The following LPP variants were observed in gnomAD, a reference collection of about 807,000 sequenced individuals.
The protein encoded by LPP is lipoma-preferred partner.
In LPP, 38 loss-of-function variants were observed where a neutral mutation model predicts 60.4. The ratio of observed to expected loss-of-function variants is 0.63; its 90% CI spans 0.49 to 0.83. The LOEUF (loss-of-function observed/expected upper bound fraction) is 0.83. Ranked by LOEUF, LPP falls within the 40% of genes least tolerant of loss-of-function variation. LPP has a pLI of 0.00. For synonymous variants in LPP, 328 were observed against 290.8 expected, an observed-to-expected ratio of 1.13 and a Z score of -1.30; for missense variants, 902 against 783.6, an observed-to-expected ratio of 1.15 and a Z score of -1.80.
intron 7 of LPP, among the ~76,000 whole-genome samples, chr3:188,699,724 G>A (rs1863995452): frequency 6.6e-6 from 1 of 152,172 alleles, no homozygotes; most frequent in Non-Finnish European, 1.5e-5. Flanking sequence ...AATTCAGATA[G>A]TCAGGTATCC....
chr3:188,580,224 A>G (rs1452647304), intron 6 of LPP, among the ~76,000 whole-genome samples: 1 of 151,904 alleles, frequency 6.6e-6, no homozygotes, highest in Non-Finnish European at 1.5e-5. Flanking sequence ...TATTTTCTCA[A>G]TAGAATTGTT....
intron 7 of LPP, among the ~76,000 whole-genome samples, chr3:188,639,703 G>A (rs1423258143): frequency 9.1e-4 from 138 of 151,760 alleles, no homozygotes; most frequent in Middle Eastern, 3.4e-3. Flanking sequence ...AAAAGTGGGC[G>A]AAGGACATGA....
chr3:188,650,254 A>G (rs1012200210), intron 7 of LPP, among the ~76,000 whole-genome samples: 4 of 152,232 alleles, frequency 2.6e-5, no homozygotes, highest in Non-Finnish European at 1.5e-5. Context: ...GTTAAAGAAA[A>G]AAAACAGGGA....
chr3:188,812,999 T>C (rs1222442436), intron 9 of LPP, among the ~76,000 whole-genome samples: 1 of 152,102 alleles, frequency 6.6e-6, no homozygotes, highest in South Asian at 2.1e-4. Context: ...GATCAGTGAT[T>C]ATGAACAAAA....
intron 7 of LPP, among the ~76,000 whole-genome samples, chr3:188,636,278 C>T (rs527785867): frequency 1.3e-5 from 2 of 152,264 alleles, no homozygotes; most frequent in East Asian, 3.9e-4. Flanking sequence ...CCTTTCCTAA[C>T]CAAAGAAAGG....
rs1560498041 is a variant in LPP at position 188,509,869 on chromosome 3, T to TC, written c.307-14796_307-14795insC. On this transcript the variant is annotated intron_variant, in intron 5 of 11. Coordinates refer to ENST00000617246, the MANE Select transcript of LPP (RefSeq NM_001375462.1). ...CACCATGCCTGGCTAATTTTTTTTT[T>TC]GTTGTTTTTTTTTTTTTTTTTGCAT... Among the ~76,000 whole-genome samples, 4 of 61,536 alleles carry TC rather than the reference T, an allele frequency of 6.5e-5. No individual in the cohort carries two copies. In the Admixed American group the frequency reaches 9.6e-4, roughly 15 times the overall value. 40.4% of individuals were successfully genotyped at this position (61,536 alleles called of 152,430 possible).
At chr3:188,554,440 A>G (rs565884437) in intron 6 of LPP, among the ~76,000 whole-genome samples, 1 of 152,218 alleles carries the variant, frequency 6.6e-6, no homozygotes, top group Non-Finnish European at 1.5e-5. Flanking sequence ...ATACCAGATT[A>G]TGGAACACTA....
intron 3 of LPP, among the ~76,000 whole-genome samples, chr3:188,400,683 C>T (rs903115462): frequency 1.3e-5 from 2 of 152,198 alleles, no homozygotes; most frequent in African/African-American, 4.8e-5. Flanking sequence ...AGGAGGGCCA[C>T]TGCTCTTGCT....
At chr3:188,709,389 C>CTCTG (rs1553807258) in intron 8 of LPP, 2 of 152,084 alleles carry the variant, frequency 1.3e-5, no homozygotes, top group Non-Finnish European at 2.9e-5. Flanking sequence ...CAGAGCCTTG[C>CTCTG]TCTGTCACCC....
At chr3:188,349,628 G>T (rs1319997279) in intron 3 of LPP, among the ~76,000 whole-genome samples, 1 of 152,216 alleles carries the variant, frequency 6.6e-6, no homozygotes, top group African/African-American at 2.4e-5. Flanking sequence ...GCTGTAAGTA[G>T]CTTCTGTGGC....
At chr3:188,808,614 G>A (rs556905977) in intron 9 of LPP, among the ~76,000 whole-genome samples, 31 of 152,136 alleles carry the variant, frequency 2.0e-4, no homozygotes, top group Middle Eastern at 3.4e-3. Flanking sequence ...CTGCTGTTCC[G>A]CTCCTGAAGC....
intron 3 of LPP, among the ~76,000 whole-genome samples, chr3:188,355,489 C>T (rs1767335302): frequency 6.6e-6 from 1 of 152,090 alleles, no homozygotes; most frequent in African/African-American, 2.4e-5. Flanking sequence ...AGTCCATCTG[C>T]CTACTTGTCA....
chr3:188,737,547 T>C (rs1722957605), intron 8 of LPP, among the ~76,000 whole-genome samples: 1 of 152,148 alleles, frequency 6.6e-6, no homozygotes, highest in South Asian at 2.1e-4. Flanking sequence ...GCTAAGAAAC[T>C]TCTGATACCA....
intron 2 of LPP, among the ~76,000 whole-genome samples, chr3:188,246,143 T>A (rs368815752): frequency 6.6e-6 from 1 of 152,202 alleles, no homozygotes; most frequent in African/African-American, 2.4e-5. Context: ...CTGTCTATTC[T>A]TTTATCTGTA....
rs773093449 is a variant in LPP at position 188,601,843 on chromosome 3, T to C, written c.430-7318T>C. Among the ~76,000 whole-genome samples the C allele has an allele frequency of 3.3e-5, 5 of 151,972 alleles. No individual in the cohort carries two copies. The East Asian group carries it at 5.8e-4, about 18-fold the overall frequency. On this transcript the variant is annotated intron_variant, in intron 6 of 11. Transcript: ENST00000617246. ...CAACATTTTGGGAGGCCAAGGCAGA[T>C]GGATCACTTGAGGTCAGGAGTTCCA...
intron 2 of LPP, among the ~76,000 whole-genome samples, chr3:188,321,186 A>C (rs1460723488): frequency 6.6e-6 from 1 of 152,168 alleles, no homozygotes; most frequent in Non-Finnish European, 1.5e-5. Flanking sequence ...GTTTCCAACA[A>C]ATGTTTTGCT....
At chr3:188,845,754 ACT>A (rs1249503771) in intron 9 of LPP, among the ~76,000 whole-genome samples, 2 of 152,090 alleles carry the variant, frequency 1.3e-5, no homozygotes, top group Admixed American at 6.6e-5. Flanking sequence ...CCAGAGAATG[ACT>A]CTGTGACCTT....
chr3:188,210,328 C>T lies in LPP; in HGVS notation c.-189-15077C>T, dbSNP rs78807900. 2.0e-4 allele frequency among the ~76,000 whole-genome samples: 30 copies of T among 152,236 alleles called. No individual in the cohort carries two copies. The East Asian group carries it at 5.6e-3, about 28-fold the overall frequency. On this transcript the variant is annotated intron_variant, in intron 1 of 11. Transcript: ENST00000617246. ...ATACTCACCTACAAAAATTCCAAACCAGTGAGACAGACATAGGTTGAAATA... is the reference window on the plus strand; with the variant it reads ...ATACTCACCTACAAAAATTCCAAACTAGTGAGACAGACATAGGTTGAAATA...
At chr3:188,526,419 G>T (rs1820599424) in intron 6 of LPP, among the ~76,000 whole-genome samples, 2 of 152,076 alleles carry the variant, frequency 1.3e-5, no homozygotes, top group South Asian at 4.1e-4. Context: ...AGCCTCCCGA[G>T]TAGCTGGGAT....
Sources: allele counts gnomAD v4.1 joint callset (sites outside exome capture counted in the v4.1 genomes callset), GRCh38; gene constraint gnomAD v4.1.1; transcripts MANE v1.5; gene names NCBI Gene and HGNC (gene_info 2026-07-23, HGNC 2026-07-21).